PRUNE2: variants seen among roughly 807,000 people sequenced by gnomAD.
The protein encoded by PRUNE2 is prune homolog 2 with BCH domain.
A neutral mutation model predicts 252.0 loss-of-function variants in PRUNE2; 164 were observed. The observed-to-expected ratio is 0.65, with a 90% CI of 0.57 to 0.74. The LOEUF is 0.74. Ranked by LOEUF, PRUNE2 falls within the 30% of genes least tolerant of loss-of-function variation. The pLI is 0.00. For missense variants in PRUNE2, 3,495 were observed against 3,711.0 expected, an observed-to-expected ratio of 0.94 and a Z score of 1.51; for synonymous variants, 1,292 against 1,350.2, an observed-to-expected ratio of 0.96 and a Z score of 0.94.
At chr9:76,828,410 G>A (rs918279173) in intron 4 of PRUNE2, among the ~76,000 whole-genome samples, 16 of 152,170 alleles carry the variant, frequency 1.1e-4, no homozygotes, top group African/African-American at 3.6e-4. Flanking sequence ...CTTACAAGCC[G>A]CCTTAAAGTT....
chr9:76,896,966 C>T (rs2062858459), intron 1 of PRUNE2, among the ~76,000 whole-genome samples: 1 of 152,216 alleles, frequency 6.6e-6, no homozygotes. Flanking sequence ...CACACACATT[C>T]TCCTCCCAAT....
chr9:76,659,204 T>C (rs964147117), intron 9 of PRUNE2, among the ~76,000 whole-genome samples: 1 of 152,246 alleles, frequency 6.6e-6, no homozygotes, highest in African/African-American at 2.4e-5. Context: ...TGTTACCACA[T>C]TACGATCTAG....
intron 6 of PRUNE2, among the ~76,000 whole-genome samples, chr9:76,760,345 C>A (rs958416865): frequency 1.3e-5 from 2 of 152,176 alleles, no homozygotes; most frequent in African/African-American, 2.4e-5. Flanking sequence ...GATATTATTT[C>A]TATCATTTTC....
chr9:76,720,472 C>T (rs1298628458), intron 6 of PRUNE2, among the ~76,000 whole-genome samples: 1 of 152,112 alleles, frequency 6.6e-6, no homozygotes, highest in Non-Finnish European at 1.5e-5. Context: ...TTTTCATGAG[C>T]CTTAGTTTCC....
At chr9:76,753,827 A>T (rs1295558039) in intron 6 of PRUNE2, among the ~76,000 whole-genome samples, 2 of 151,586 alleles carry the variant, frequency 1.3e-5, no homozygotes, top group African/African-American at 4.9e-5. Flanking sequence ...CTGAGGCAGG[A>T]GAATGGCGTG....
chr9:76,801,965 T>C (rs555366856), intron 6 of PRUNE2, among the ~76,000 whole-genome samples: 1 of 152,272 alleles, frequency 6.6e-6, no homozygotes, highest in Admixed American at 6.5e-5. Context: ...GGCTACCTCG[T>C]AGACAACAAA....
Position 76,709,536 on chromosome 9 carries a change from T to C in PRUNE2, c.2738A>G (p.Tyr913Cys). 1 of 1,614,068 alleles carries C rather than the reference T, an allele frequency of 6.2e-7. No homozygotes were observed. Among genetic ancestry groups the C allele is most frequent in the South Asian group, 1.1e-5 (1 of 91,084 alleles). The stretch of plus-strand genomic sequence containing the variant: ...AAGGTTCCAGGAATCTACCTTTTCA[T>C]ATACCTTGCCCCTAGTTTTAGGATC... ...LVDPKTRGKV[Y>C]EKVDSWNLFE... The change falls in exon 8 of 19, where the codon TAT (tyrosine) becomes TGT (cysteine). Residue 913 changes from tyrosine (Y) to cysteine (C), a missense_variant. By Grantham distance (194) the Tyr-to-Cys change is radical. Coordinates refer to ENST00000376718, the MANE Select transcript of PRUNE2 (RefSeq NM_015225.3).
intron 1 of PRUNE2, among the ~76,000 whole-genome samples, chr9:76,860,239 T>G (rs1443680785): frequency 6.6e-6 from 1 of 152,200 alleles, no homozygotes; most frequent in Non-Finnish European, 1.5e-5. Context: ...GTAGGAGTAG[T>G]TGGGGAAGTT....
At chr9:76,634,765 ATTAC>A (rs1214313513) in intron 15 of PRUNE2, among the ~76,000 whole-genome samples, 1 of 152,228 alleles carries the variant, frequency 6.6e-6, no homozygotes, top group Non-Finnish European at 1.5e-5. Flanking sequence ...ATCTTTTAAC[ATTAC>A]TTAATCAAGA....
intron 9 of PRUNE2, among the ~76,000 whole-genome samples, chr9:76,673,306 G>T (rs1456586388): frequency 6.7e-6 from 1 of 148,568 alleles, no homozygotes; most frequent in Non-Finnish European, 1.5e-5. Flanking sequence ...AAATCTAGAA[G>T]AAATGGATAA....
chr9:76,806,166 C>G (rs2056919388), intron 6 of PRUNE2, among the ~76,000 whole-genome samples: 1 of 152,082 alleles, frequency 6.6e-6, no homozygotes. Flanking sequence ...ATTCTCAGGC[C>G]CCAACCCAGA....
intron 4 of PRUNE2, among the ~76,000 whole-genome samples, chr9:76,833,517 G>A (rs1256043780): frequency 6.6e-6 from 1 of 152,074 alleles, no homozygotes; most frequent in African/African-American, 2.4e-5. Flanking sequence ...TGTAATCCCC[G>A]CACTTTGGGA....
chr9:76,688,181 C>T (rs964736070), intron 9 of PRUNE2, among the ~76,000 whole-genome samples: 2 of 152,168 alleles, frequency 1.3e-5, no homozygotes, highest in African/African-American at 4.8e-5. Context: ...CAGAGGAAAA[C>T]GTCACCATCC....
chr9:76,709,377 T>C lies in PRUNE2; in HGVS notation c.2897A>G (p.Asn966Ser), dbSNP rs750236213. 2.0e-5 allele frequency: 33 copies of C among 1,613,866 alleles called. No homozygotes were observed. Among genetic ancestry groups the C allele is most frequent in the Non-Finnish European group, 2.5e-5 (30 of 1,179,878 alleles). Reference sequence around the variant, plus strand: ...TGTGTAAGAGTCTGAGGTGGAATAATTGGTATCTAAGGGGGAAGGCACCGA... The same window carrying C: ...TGTGTAAGAGTCTGAGGTGGAATAACTGGTATCTAAGGGGGAAGGCACCGA... ...EDSVPSPLDT[N>S]YSTSDSYTSP... The change falls in exon 8 of 19, where the codon AAT (asparagine) becomes AGT (serine). Residue 966 changes from asparagine (N) to serine (S), a missense_variant. Physicochemically the swap from Asn to Ser is conservative, Grantham distance 46. Coordinates refer to ENST00000376718, the MANE Select transcript of PRUNE2 (RefSeq NM_015225.3).
At chr9:76,747,213 T>G (rs1210985637) in intron 6 of PRUNE2, among the ~76,000 whole-genome samples, 1 of 152,166 alleles carries the variant, frequency 6.6e-6, no homozygotes, top group Non-Finnish European at 1.5e-5. Flanking sequence ...GTCAGAGGTG[T>G]TGTGGTGTCT....
chr9:76,700,596 A>C (rs1029270712), intron 9 of PRUNE2, among the ~76,000 whole-genome samples: 19 of 152,252 alleles, frequency 1.2e-4, no homozygotes, highest in African/African-American at 4.3e-4. Flanking sequence ...CCCTTCTGTC[A>C]TTAAAACATT....
At chr9:76,655,743 A>G (rs944587855) in intron 9 of PRUNE2, among the ~76,000 whole-genome samples, 9 of 148,252 alleles carry the variant, frequency 6.1e-5, no homozygotes, top group Admixed American at 2.0e-4. Context: ...CTCACTTAAT[A>G]AACACACACC....
At chr9:76,838,658 A>C (rs1015955714) in intron 4 of PRUNE2, among the ~76,000 whole-genome samples, 4 of 151,304 alleles carry the variant, frequency 2.6e-5, no homozygotes, top group East Asian at 1.9e-4. Flanking sequence ...AAAAAAAAAA[A>C]AAAAAAAAAA....
At chr9:76,731,501 A>T (rs894205744) in intron 6 of PRUNE2, among the ~76,000 whole-genome samples, 22 of 151,326 alleles carry the variant, frequency 1.5e-4, no homozygotes, top group Non-Finnish European at 2.9e-5. Context: ...TTGTTTTTTT[A>T]TTTTTTTGTA....
Sources: allele counts gnomAD v4.1 joint callset (sites outside exome capture counted in the v4.1 genomes callset), GRCh38; gene constraint gnomAD v4.1.1; transcripts MANE v1.5; gene names NCBI Gene and HGNC (gene_info 2026-07-23, HGNC 2026-07-21).